Variants in ADGB observed in about 807,000 individuals in gnomAD.
ADGB encodes androglobin.
ADGB carries 172 observed loss-of-function variants against 210.5 expected under a neutral mutation model. The ratio of observed to expected loss-of-function variants is 0.82; its 90% confidence interval spans 0.72 to 0.93. The LOEUF is 0.93. ADGB is among the 40% of genes least tolerant of loss of function. The pLI is 0.00. For synonymous variants in ADGB, 658 were observed against 662.7 expected (o/e 0.99, Z 0.11); for missense variants, 2,025 against 1,964.8 (o/e 1.03, Z -0.58).
chr6:146,709,886 A>G (rs1225450267), intron 13 of ADGB, among the ~76,000 whole-genome samples: 1 of 151,988 alleles, frequency 6.6e-6, no homozygotes, highest in Non-Finnish European at 1.5e-5. Context: ...ATAACCTTTC[A>G]CCAAGTTTCT....
intron 28 of ADGB, among the ~76,000 whole-genome samples, chr6:146,768,137 T>C (rs1777603022): frequency 6.6e-6 from 1 of 152,172 alleles, no homozygotes; most frequent in African/African-American, 2.4e-5. Flanking sequence ...ATTTCATGCT[T>C]TTCAGCAAGA....
chr6:146,678,829 A>C (rs1776119822), intron 9 of ADGB, among the ~76,000 whole-genome samples: 1 of 152,212 alleles, frequency 6.6e-6, no homozygotes, highest in African/African-American at 2.4e-5. Flanking sequence ...AAGTGTATTC[A>C]TTTAGGTACA....
intron 6 of ADGB, among the ~76,000 whole-genome samples, chr6:146,666,489 A>G (rs1227015011): frequency 6.6e-6 from 1 of 152,034 alleles, no homozygotes; most frequent in Admixed American, 6.6e-5. Context: ...TTTTTAAAAG[A>G]AGTATACAAA....
chr6:146,622,891 C>T (rs1304991263), intron 1 of ADGB, among the ~76,000 whole-genome samples: 1 of 151,970 alleles, frequency 6.6e-6, no homozygotes, highest in Admixed American at 6.6e-5. Flanking sequence ...GTAAATAATG[C>T]AAAGCGTAAA....
intron 13 of ADGB, among the ~76,000 whole-genome samples, chr6:146,704,824 G>T (rs751929818): frequency 1.3e-5 from 2 of 151,758 alleles, no homozygotes; most frequent in Non-Finnish European, 2.9e-5. Flanking sequence ...TCAGAATGTT[G>T]GTAGATTACA....
intron 33 of ADGB, among the ~76,000 whole-genome samples, chr6:146,796,908 A>G (rs1158083617): frequency 6.6e-6 from 1 of 152,216 alleles, no homozygotes; most frequent in Non-Finnish European, 1.5e-5. Flanking sequence ...GTAAACAGAC[A>G]ACTCACAGAG....
chr6:146,744,211 C>G (rs1583618333), intron 25 of ADGB, among the ~76,000 whole-genome samples: 2 of 152,260 alleles, frequency 1.3e-5, no homozygotes, highest in East Asian at 3.9e-4. Flanking sequence ...ATATGGTGGA[C>G]TCAAGAGACA....
chr6:146,654,479 G>T (rs1056061114), intron 4 of ADGB, among the ~76,000 whole-genome samples: 1 of 151,906 alleles, frequency 6.6e-6, no homozygotes, highest in Admixed American at 6.6e-5. Flanking sequence ...TCAGATTCCT[G>T]GTAGCTGGGA....
At chr6:146,710,012 T>G (rs534752933) in intron 13 of ADGB, among the ~76,000 whole-genome samples, 1 of 152,128 alleles carries the variant, frequency 6.6e-6, no homozygotes, top group South Asian at 2.1e-4. Flanking sequence ...CTCCTGAATA[T>G]TGTGTCTTTG....
rs1023176852 is a variant in ADGB, at chr6:146,621,012, A to C, written c.75-14363A>C. Among the ~76,000 whole-genome samples, 9 of 152,244 alleles carry C rather than the reference A, an allele frequency of 5.9e-5. No homozygotes were observed. The South Asian group carries it at 6.2e-4, about 11-fold the overall frequency. ...TCCATCCTGGGAAGAACTTATGTTG[A>C]GCACCAGGACTAAAACACTGCACTA... On this transcript the variant is annotated intron_variant, in intron 1 of 35. Coordinates refer to ENST00000397944, the MANE Select transcript of ADGB (RefSeq NM_024694.4).
chr6:146,738,438 CTTTTTTTTTTTTT>C (rs71031008), intron 23 of ADGB, among the ~76,000 whole-genome samples: 3 of 71,394 alleles, frequency 4.2e-5, no homozygotes, highest in Middle Eastern at 0.012. Context: ...CCCATTTCAT[CTTTTTTTTTTTTT>C]TTTTTTTTTT....
intron 27 of ADGB, among the ~76,000 whole-genome samples, chr6:146,760,943 GT>G (rs1396261027): frequency 6.6e-6 from 1 of 151,848 alleles, no homozygotes; most frequent in Non-Finnish European, 1.5e-5. Context: ...TTTTTAATGA[GT>G]TGTCTTTATT....
chr6:146,702,402 G>T (rs1357418403), intron 13 of ADGB, among the ~76,000 whole-genome samples: 3 of 151,724 alleles, frequency 2.0e-5, no homozygotes, highest in African/African-American at 7.3e-5. Context: ...GCCTGAGGTT[G>T]CTATTTTTGG....
intron 13 of ADGB, among the ~76,000 whole-genome samples, chr6:146,712,184 G>GT (rs112151598): frequency 0.25 from 37,062 of 149,890 alleles, 4,738 homozygotes; most frequent in East Asian, 0.34. Flanking sequence ...GTTTTGTTTT[G>GT]TTTTTTTTTG....
intron 23 of ADGB, among the ~76,000 whole-genome samples, chr6:146,739,942 C>G (rs1041386262): frequency 6.6e-6 from 1 of 152,192 alleles, no homozygotes; most frequent in African/African-American, 2.4e-5. Flanking sequence ...GCTCTACTCC[C>G]TTATACACTC....
At chr6:146,722,473 A>T (rs1217961753) in intron 17 of ADGB, among the ~76,000 whole-genome samples, 1 of 152,194 alleles carries the variant, frequency 6.6e-6, no homozygotes, top group Non-Finnish European at 1.5e-5. Flanking sequence ...TCCAACCCAC[A>T]GTTTCAAGAG....
chr6:146,599,236 C>T (rs1780516068), intron 1 of ADGB, 122 bp downstream of exon 1: 2 of 845,850 alleles, frequency 2.4e-6, no homozygotes, highest in Non-Finnish European at 3.9e-6. Context: ...CTCCTCGCAG[C>T]TTGTCTTCTC....
Position 146,788,742 on chromosome 6 carries a change from T to A in ADGB, c.4537+132T>A, listed in dbSNP as rs758695405. 1.1e-4 allele frequency: 96 copies of A among 885,446 alleles called. 1 individual carries two copies. Among genetic ancestry groups the A allele is most frequent in the Non-Finnish European group, 1.0e-5 (6 of 592,052 alleles). 54.8% of individuals were successfully genotyped at this position (885,446 alleles called of 1,614,324 possible). ...AGATGTCTTTCCGATATATAGATTT[T>A]CATTTTACTTAATGGAGTTGGGAAT... On this transcript the variant is annotated intron_variant, in intron 33 of 35. Transcript: ENST00000397944.
intron 2 of ADGB, among the ~76,000 whole-genome samples, chr6:146,641,610 G>A (rs138230488): frequency 3.3e-5 from 5 of 151,812 alleles, no homozygotes; most frequent in South Asian, 4.2e-4. Flanking sequence ...ACACATCTAC[G>A]GCCATCTGAT....
Sources: gnomAD v4.1 joint callset for allele counts (sites outside exome capture counted in the v4.1 genomes callset) on GRCh38, gnomAD v4.1.1 for gene constraint, MANE v1.5 for transcripts, NCBI Gene and HGNC (gene_info 2026-07-23, HGNC 2026-07-21) for gene names.